DNAJC1: variants seen among roughly 807,000 people sequenced by gnomAD.
DNAJC1 encodes the protein dnaJ homolog subfamily C member 1.
In DNAJC1, 58 loss-of-function variants were observed where a neutral mutation model predicts 76.6. That is an observed-to-expected ratio of 0.76 (90% confidence interval 0.61 to 0.94). The LOEUF (loss-of-function observed/expected upper bound fraction) is 0.94, where lower values mean the gene tolerates loss of function less well. Ranked by LOEUF, DNAJC1 falls within the 40% of genes least tolerant of loss-of-function variation. The probability of loss-of-function intolerance (pLI) is 0.00; values close to 1 mark genes in which losing one functional copy is unlikely to be tolerated. For synonymous variants in DNAJC1, 258 were observed against 267.9 expected, an observed-to-expected ratio of 0.96 and a Z score of 0.36; for missense variants, 689 against 677.3, an observed-to-expected ratio of 1.02 and a Z score of -0.19.
intron 8 of DNAJC1, among the ~76,000 whole-genome samples, chr10:21,841,882 T>C (rs989551117): frequency 3.3e-5 from 5 of 151,874 alleles, no homozygotes; most frequent in African/African-American, 1.2e-4. Flanking sequence ...ATGAAGAAAA[T>C]GTGGCATATA....
intron 9 of DNAJC1, among the ~76,000 whole-genome samples, chr10:21,778,975 C>T (rs185777942): frequency 1.3e-4 from 20 of 152,352 alleles, no homozygotes; most frequent in Middle Eastern, 3.4e-3. Flanking sequence ...GACGGTCCCA[C>T]GCCCATGGAG....
chr10:21,914,120 C>T (rs1270434905), intron 6 of DNAJC1, among the ~76,000 whole-genome samples: 2 of 152,222 alleles, frequency 1.3e-5, no homozygotes, highest in African/African-American at 4.8e-5. Flanking sequence ...TTACATGGGG[C>T]GTACATTTGA....
At chr10:21,843,567 G>C (rs1473539963) in intron 8 of DNAJC1, among the ~76,000 whole-genome samples, 1 of 151,586 alleles carries the variant, frequency 6.6e-6, no homozygotes, top group African/African-American at 2.4e-5. Flanking sequence ...CTAATTTTTT[G>C]TATTTTTAGT....
chr10:21,902,516 G>A (rs1313536727), intron 7 of DNAJC1, among the ~76,000 whole-genome samples: 1 of 152,108 alleles, frequency 6.6e-6, no homozygotes, highest in Non-Finnish European at 1.5e-5. Flanking sequence ...TGTTGTCCAG[G>A]TGGGTCTCGA....
intron 3 of DNAJC1, among the ~76,000 whole-genome samples, chr10:21,922,805 G>T (rs775181079): frequency 6.6e-6 from 1 of 151,882 alleles, no homozygotes; most frequent in Admixed American, 6.6e-5. Context: ...GAGAAAAAAG[G>T]TGAATATAGA....
Position 21,951,607 on chromosome 10 carries a change from ATCAGTT to A in DNAJC1, c.223-22472_223-22467del, listed in dbSNP as rs1039837819. ...CAAGTGCTTCACAGAAATGGAAAATATCAGTTTCCCTTTGTCCAGAGAGACTCAAGT... is the reference window on the plus strand; with the variant it reads ...CAAGTGCTTCACAGAAATGGAAAATATCCCTTTGTCCAGAGAGACTCAAGT... On this transcript the variant is annotated intron_variant, in intron 1 of 11. Transcript: ENST00000376980. Among the ~76,000 whole-genome samples, 97 of 152,344 alleles carry A rather than the reference ATCAGTT, an allele frequency of 6.4e-4. 1 individual carries two copies. Among genetic ancestry groups the A allele is most frequent in the African/African-American group, 2.3e-3 (95 of 41,580 alleles).
intron 9 of DNAJC1, among the ~76,000 whole-genome samples, chr10:21,776,143 C>T (rs185922050): frequency 1.9e-3 from 288 of 152,156 alleles, no homozygotes; most frequent in African/African-American, 4.6e-3. Context: ...TGCATTCCCT[C>T]TAGTAAAAAC....
intron 1 of DNAJC1, among the ~76,000 whole-genome samples, chr10:21,984,091 T>C (rs1483449097): frequency 2.6e-5 from 4 of 152,230 alleles, no homozygotes; most frequent in Non-Finnish European, 1.5e-5. Context: ...CCTGAAATTC[T>C]ATAGACAAAA....
chr10:21,813,396 T>A (rs1225071119), intron 8 of DNAJC1, among the ~76,000 whole-genome samples: 1 of 149,812 alleles, frequency 6.7e-6, no homozygotes, highest in Non-Finnish European at 1.5e-5. Context: ...ACAGTCTTTT[T>A]TTTTTTTTTT....
chr10:21,946,794 T>C (rs1837512807), intron 1 of DNAJC1, among the ~76,000 whole-genome samples: 1 of 152,176 alleles, frequency 6.6e-6, no homozygotes, highest in Non-Finnish European at 1.5e-5. Context: ...TATCTATCAA[T>C]AAAATGGGAT....
chr10:21,850,764 T>C (rs1835738587), intron 8 of DNAJC1, among the ~76,000 whole-genome samples: 3 of 152,140 alleles, frequency 2.0e-5, no homozygotes. Context: ...ACTTCCTGAT[T>C]TGAAATTTTA....
At chr10:21,807,933 C>T (rs1834906650) in intron 8 of DNAJC1, among the ~76,000 whole-genome samples, 1 of 152,066 alleles carries the variant, frequency 6.6e-6, no homozygotes, top group African/African-American at 2.4e-5. Context: ...TATTCAGCTA[C>T]AATTTAGAGA....
chr10:21,880,644 C>T (rs1407261043), intron 8 of DNAJC1, among the ~76,000 whole-genome samples: 1 of 152,070 alleles, frequency 6.6e-6, no homozygotes, highest in Non-Finnish European at 1.5e-5. Flanking sequence ...AGTAAGTCTC[C>T]ACATAGGGCT....
intron 1 of DNAJC1, among the ~76,000 whole-genome samples, chr10:21,931,289 C>G (rs1474682336): frequency 6.6e-6 from 1 of 152,196 alleles, no homozygotes; most frequent in Non-Finnish European, 1.5e-5. Context: ...ACAGACAGCT[C>G]TCTTCTAAGG....
intron 1 of DNAJC1, among the ~76,000 whole-genome samples, chr10:21,975,626 T>A (rs1449037168): frequency 6.6e-6 from 1 of 152,152 alleles, no homozygotes; most frequent in Non-Finnish European, 1.5e-5. Flanking sequence ...CACCTTAGTG[T>A]TTCATACTAG....
intron 7 of DNAJC1, among the ~76,000 whole-genome samples, chr10:21,902,473 T>A (rs1472445740): frequency 6.6e-6 from 1 of 152,082 alleles, no homozygotes; most frequent in African/African-American, 2.4e-5. Context: ...CCCAGCTAAT[T>A]TTTGTATTTT....
intron 8 of DNAJC1, among the ~76,000 whole-genome samples, chr10:21,877,585 T>G (rs1836207057): frequency 6.6e-6 from 1 of 152,204 alleles, no homozygotes; most frequent in South Asian, 2.1e-4. Flanking sequence ...TTCAGTCTTA[T>G]TCATCAAAGG....
intron 11 of DNAJC1, among the ~76,000 whole-genome samples, chr10:21,757,135 GTCT>G (rs1163007823): frequency 6.6e-6 from 1 of 152,232 alleles, no homozygotes; most frequent in African/African-American, 2.4e-5. Context: ...TAGCCTATTA[GTCT>G]TCTTCCGTGG....
chr10:21,884,802 T>C (rs899741889), intron 7 of DNAJC1, among the ~76,000 whole-genome samples: 2 of 152,156 alleles, frequency 1.3e-5, no homozygotes, highest in Non-Finnish European at 2.9e-5. Flanking sequence ...ATAAATTCAA[T>C]TGTTTGTATT....
Sources: allele counts gnomAD v4.1 joint callset (sites outside exome capture counted in the v4.1 genomes callset), GRCh38; gene constraint gnomAD v4.1.1; transcripts MANE v1.5; gene names NCBI Gene and HGNC (gene_info 2026-07-23, HGNC 2026-07-21).